GKN2: variants seen among roughly 807,000 people sequenced by gnomAD.
GKN2 encodes the protein gastrokine 2.
Under a neutral mutation model 22.7 loss-of-function variants are expected in GKN2, and 17 were observed. The observed-to-expected ratio is 0.75, with a 90% CI of 0.51 to 1.13. The LOEUF is 1.13. Ranked by LOEUF, GKN2 falls within the 50% of genes most tolerant of loss-of-function variation. The pLI is 0.00. For synonymous variants in GKN2, 82 were observed against 79.6 expected, an observed-to-expected ratio of 1.03 and a Z score of -0.16; for missense variants, 248 against 221.4, an observed-to-expected ratio of 1.12 and a Z score of -0.76.
In GKN2 at chr2:68,947,171, G is replaced by C. The variant is rs779370221; in HGVS notation, c.291C>G (p.Leu97=). 1.9e-6 allele frequency: 3 copies of C among 1,612,392 alleles called. No homozygotes were observed. Among genetic ancestry groups the C allele is most frequent in the Non-Finnish European group, 2.5e-6 (3 of 1,178,458 alleles). Residue 97 remains leucine, a synonymous_variant, in exon 4 of 6, where the codon CTC becomes CTG. Transcript: ENST00000328895. ...CCTGTTTCTCATAGATGTACCATTG[G>C]AGATTGTTCAGAGGAGGGATGTTCT... ...DHQNIPPLNN[L]QWYIYEKQAL...
chr2:68,946,702 A>G (rs1248228118), intron 4 of GKN2, among the ~76,000 whole-genome samples: 1 of 152,156 alleles, frequency 6.6e-6, no homozygotes, highest in Non-Finnish European at 1.5e-5. Context: ...CAAAGGTAGC[A>G]CCTATAAGAA....
intron 3 of GKN2, among the ~76,000 whole-genome samples, chr2:68,948,556 T>C (rs1669807121): frequency 2.0e-5 from 3 of 152,150 alleles, no homozygotes. Context: ...CTTTTCTTCC[T>C]CTCCAGTTTT....
At chr2:68,947,293 A>G (rs1029609886) in intron 3 of GKN2, 36 bp from the exon 4 acceptor site, 14 of 1,340,326 alleles carry the variant, frequency 1.0e-5, no homozygotes, top group Admixed American at 1.7e-5. Context: ...GTTCCTCCCT[A>G]GTTCCCTGAA....
chr2:68,950,842 A>G (rs1021982829), intron 1 of GKN2, 87 bp from the exon 2 acceptor site: 1 of 1,346,512 alleles, frequency 7.4e-7, no homozygotes, highest in African/African-American at 1.4e-5. Context: ...AAAGGCACAG[A>G]TATCTCAGAA....
Position 68,950,283 on chromosome 2 carries a change from A to G in GKN2, c.67-20T>C, listed in dbSNP as rs770818997. On this transcript the variant is annotated intron_variant, in intron 2 of 5. Transcript: ENST00000328895. ...AAAAACCTAGATTGAAAAGAAAGAC[A>G]AAATGTTTTTCCATAAATCTTATAT... is the stretch of plus-strand genomic sequence containing the variant. 1.3e-6 allele frequency: 2 copies of G among 1,597,620 alleles called. No individual in the cohort carries two copies. The highest frequency in any genetic ancestry group is 1.7e-6 in the Non-Finnish European group (2 of 1,173,726).
At chr2:68,950,575 T>C in intron 2 of GKN2, 127 bp downstream of exon 2, 1 of 817,848 alleles carries the variant, frequency 1.2e-6, no homozygotes, top group East Asian at 2.5e-5. Flanking sequence ...ATTTCCATTA[T>C]TGGTTATTTC....
intron 3 of GKN2, among the ~76,000 whole-genome samples, chr2:68,948,106 C>A (rs549300392): frequency 6.6e-6 from 1 of 151,442 alleles, no homozygotes; most frequent in Non-Finnish European, 1.5e-5. Context: ...TTTAGCCGGG[C>A]GTGGTGGCGG....
chr2:68,949,442 C>A (rs1051907915), intron 3 of GKN2, among the ~76,000 whole-genome samples: 1 of 151,856 alleles, frequency 6.6e-6, no homozygotes, highest in African/African-American at 2.4e-5. Context: ...TTTTTTGAGA[C>A]AGGATCTCGT....
At chr2:68,951,000 A>G (rs1473188660) in intron 1 of GKN2, among the ~76,000 whole-genome samples, 1 of 152,132 alleles carries the variant, frequency 6.6e-6, no homozygotes. Context: ...ATTGCCACCT[A>G]ATTCCCAACT....
chr2:68,949,375 T>G (rs1669820511), intron 3 of GKN2, among the ~76,000 whole-genome samples: 1 of 152,082 alleles, frequency 6.6e-6, no homozygotes, highest in African/African-American at 2.4e-5. Context: ...TATGTTGTGA[T>G]TGCTTTGTGA....
intron 5 of GKN2, chr2:68,945,876 G>T: frequency 4.3e-6 from 1 of 231,888 alleles, no homozygotes; most frequent in African/African-American, 2.2e-5. Flanking sequence ...AGTCCGCTTG[G>T]CCTCCTCTTT....
At chr2:68,947,574 T>TTTA (rs1005534319) in intron 3 of GKN2, among the ~76,000 whole-genome samples, 1 of 152,054 alleles carries the variant, frequency 6.6e-6, no homozygotes, top group Non-Finnish European at 1.5e-5. Flanking sequence ...TTTCCATTAT[T>TTTA]TTATTATTAT....
chr2:68,949,746 T>C (rs1270174621), intron 3 of GKN2, among the ~76,000 whole-genome samples: 1 of 152,190 alleles, frequency 6.6e-6, no homozygotes, highest in Non-Finnish European at 1.5e-5. Context: ...CATGATGTTC[T>C]GTGTTAGAAG....
intron 1 of GKN2, 89 bp from the exon 2 acceptor site, chr2:68,950,844 A>T (rs927695531): frequency 2.3e-6 from 3 of 1,314,942 alleles, no homozygotes; most frequent in Admixed American, 1.7e-5. Flanking sequence ...AGGCACAGAT[A>T]TCTCAGAAAA....
rs1329621140 is a variant in GKN2 at position 68,946,292 on chromosome 2, A to G, written c.472+12T>C. Reference sequence around the variant, plus strand: ...AAAATATTTGGTGAGTGAATGACTTATTGGTACTCACGTGTGTTTTCAACC... The same window carrying G: ...AAAATATTTGGTGAGTGAATGACTTGTTGGTACTCACGTGTGTTTTCAACC... On this transcript the variant is annotated intron_variant, in intron 5 of 5. Coordinates refer to ENST00000328895, the MANE Select transcript of GKN2 (RefSeq NM_182536.3). 1.3e-6 allele frequency: 2 copies of G among 1,596,248 alleles called. No individual in the cohort carries two copies. The highest frequency in any genetic ancestry group is 2.7e-5 in the African/African-American group (2 of 74,164).
At chr2:68,952,612 A>G (rs963470038) in intron 1 of GKN2, among the ~76,000 whole-genome samples, 1 of 152,220 alleles carries the variant, frequency 6.6e-6, no homozygotes, top group Non-Finnish European at 1.5e-5. Context: ...AATTATCTAG[A>G]GATTTCTTTG....
rs1054653335 is a variant in GKN2, at chr2:68,945,544, A to T, written c.473-94T>A. 12 of 963,868 alleles carry T rather than the reference A, an allele frequency of 1.2e-5. No individual in the cohort carries two copies. In the Admixed American group the frequency reaches 1.9e-4, roughly 15 times the overall value. 59.7% of individuals were successfully genotyped at this position (963,868 alleles called of 1,614,324 possible). A position where few individuals can be genotyped will look rare whatever the true frequency, so the allele number is the denominator to read the frequency against. On this transcript the variant is annotated intron_variant, in intron 5 of 5. Coordinates refer to ENST00000328895, the MANE Select transcript of GKN2 (RefSeq NM_182536.3). ...ATACATTAGCTTAAATAAAACTGAC[A>T]ACTTTTGGAAGTGCTGGTTGGCTCA...
intron 1 of GKN2, among the ~76,000 whole-genome samples, chr2:68,951,715 C>T (rs947590476): frequency 6.6e-6 from 1 of 152,196 alleles, no homozygotes; most frequent in African/African-American, 2.4e-5. Flanking sequence ...TACATCTTCT[C>T]TTACCACAGA....
chr2:68,947,001 C>T, intron 4 of GKN2, 146 bp downstream of exon 4: 2 of 573,000 alleles, frequency 3.5e-6, no homozygotes, highest in Non-Finnish European at 6.3e-6. Flanking sequence ...AAAGTAAAAA[C>T]ACTTTAATAA....
Sources: gnomAD v4.1 joint callset for allele counts (sites outside exome capture counted in the v4.1 genomes callset) on GRCh38, gnomAD v4.1.1 for gene constraint, MANE v1.5 for transcripts, NCBI Gene and HGNC (gene_info 2026-07-23, HGNC 2026-07-21) for gene names.